Variants in COL6A6 observed in about 807,000 individuals in gnomAD.
COL6A6 encodes the protein collagen alpha-6(VI) chain.
In COL6A6, 183 loss-of-function variants were observed where a neutral mutation model predicts 208.6. The ratio of observed to expected loss-of-function variants is 0.88; its 90% CI spans 0.78 to 0.99. The LOEUF (loss-of-function observed/expected upper bound fraction) is 0.99, where lower values mean the gene tolerates loss of function less well. Among genes scored for constraint, COL6A6 ranks in the 50% least tolerant of loss-of-function variants. The probability of loss-of-function intolerance (pLI) is 0.00; values close to 1 mark genes in which losing one functional copy is unlikely to be tolerated. For missense variants in COL6A6, 2,816 were observed against 2,815.2 expected (o/e 1.00, Z -0.01); for synonymous variants, 973 against 1,011.8 (o/e 0.96, Z 0.73).
rs759248423 is a variant in COL6A6, at chr3:130,567,263, G to A, written c.1843+1G>A. On this transcript the variant is annotated splice_donor_variant, in intron 5 of 36. Coordinates refer to ENST00000358511, the MANE Select transcript of COL6A6 (RefSeq NM_001102608.3). LOFTEE classifies it high-confidence loss of function. ...GTTCAAGAAATCTGTACTGAAGAAG[G>A]TAAGAGAAATCGTGGCTTTACCTAC... The A allele has an allele frequency of 1.7e-5, 27 of 1,593,244 alleles. No individual in the cohort carries two copies. The highest frequency in any genetic ancestry group is 2.7e-5 in the African/African-American group (2 of 74,168).
In COL6A6 at chr3:130,660,893, TACA is replaced by T. The variant is rs533785841; in HGVS notation, c.5831-740_5831-738del. Among the ~76,000 whole-genome samples the T allele has an allele frequency of 6.6e-5, 10 of 152,354 alleles. No homozygotes were observed. The South Asian group carries it at 2.1e-3, about 32-fold the overall frequency. ...CTGGCCACAGTCTCTTCTGTAAAAT[TACA>T]ACATTAAATGACCTTTAAGAACCTT... is the stretch of plus-strand genomic sequence containing the variant. On this transcript the variant is annotated intron_variant, in intron 34 of 36. Coordinates refer to ENST00000358511, the MANE Select transcript of COL6A6 (RefSeq NM_001102608.3).
At chr3:130,579,408 T>G (rs1409187355) in intron 8 of COL6A6, among the ~76,000 whole-genome samples, 1 of 152,134 alleles carries the variant, frequency 6.6e-6, no homozygotes, top group African/African-American at 2.4e-5. Context: ...CAAAAGTAGT[T>G]TGGCAGTAAC....
chr3:130,650,627 AAG>A (rs1356128678), intron 33 of COL6A6, among the ~76,000 whole-genome samples: 4 of 152,048 alleles, frequency 2.6e-5, no homozygotes, highest in African/African-American at 9.7e-5. Flanking sequence ...AAAAAGAAAA[AAG>A]AAAAAGGCCA....
intron 28 of COL6A6, among the ~76,000 whole-genome samples, 198 bp from the exon 29 acceptor site, chr3:130,641,454 A>T (rs2065306137): frequency 6.6e-6 from 1 of 152,176 alleles, no homozygotes; most frequent in South Asian, 2.1e-4. Context: ...GTTAATGAGG[A>T]TTATTTGGGG....
At chr3:130,531,161 A>G (rs770526991) in intron 1 of COL6A6, among the ~76,000 whole-genome samples, 1 of 151,966 alleles carries the variant, frequency 6.6e-6, no homozygotes, top group African/African-American at 2.4e-5. Context: ...AATGTGCTAA[A>G]TATGTGTAGG....
chr3:130,539,904 T>G (rs1010455479), intron 1 of COL6A6, among the ~76,000 whole-genome samples: 1 of 152,198 alleles, frequency 6.6e-6, no homozygotes, highest in African/African-American at 2.4e-5. Context: ...TTCTAAAAAT[T>G]TTGAGTTTTT....
chr3:130,645,557 TG>T (rs2108383553), intron 32 of COL6A6, among the ~76,000 whole-genome samples: 1 of 152,258 alleles, frequency 6.6e-6, no homozygotes, highest in East Asian at 1.9e-4. Flanking sequence ...GGATTACAGG[TG>T]TGAGCCACTG....
intron 20 of COL6A6, among the ~76,000 whole-genome samples, chr3:130,600,687 A>G (rs560397670): frequency 7.2e-5 from 11 of 152,264 alleles, no homozygotes; most frequent in African/African-American, 2.4e-4. Flanking sequence ...ACACAGGGGA[A>G]CAACACACAC....
At chr3:130,604,420 G>A (rs1250137721) in intron 20 of COL6A6, among the ~76,000 whole-genome samples, 2 of 151,982 alleles carry the variant, frequency 1.3e-5, no homozygotes, top group African/African-American at 2.4e-5. Context: ...GCGTGAACCC[G>A]GGAAGCGGAG....
chr3:130,581,468 T>A, intron 8 of COL6A6, 93 bp from the exon 9 acceptor site: 1 of 888,588 alleles, frequency 1.1e-6, no homozygotes, highest in Non-Finnish European at 1.7e-6. Flanking sequence ...ATAACTGAAA[T>A]AGAATTCCAA....
rs59021909 is a variant in COL6A6 at position 130,567,085 on chromosome 3, C to T, written c.1666C>T (p.Pro556Ser). The T allele has an allele frequency of 0.035, 57,094 of 1,613,852 alleles. 3,071 individuals carry two copies. Among genetic ancestry groups the T allele is most frequent in the African/African-American group, 0.24 (18,035 of 74,954 alleles). Residue 556 changes from proline to serine, a missense_variant, in exon 5 of 37, where the codon CCT (proline) becomes TCT (serine). Transcript: ENST00000358511. ...CATGTCCAAGGATAGCATCTTGGAG[C>T]CTGCAAACAGACTGAGAGAAGAGCA... The part of the protein sequence containing the change: ...NGMSKDSILE[P>S]ANRLREEHIR...
At position 130,568,591 on chromosome 3, in the gene COL6A6, C is replaced by T; in HGVS notation, c.2388C>T (p.Cys796=). Residue 796 remains cysteine (C), a synonymous_variant, in exon 6 of 37, where the codon TGC becomes TGT. Transcript: ENST00000358511. The part of the protein sequence containing the change: ...RIEDDLVFGI[C]SPREECKRIE... ...AAGATGATCTTGTTTTTGGAATATG[C>T]AGCCCCCGTGAAGGTAGGCATGGGC... 2 of 1,598,212 alleles carry T rather than the reference C, an allele frequency of 1.3e-6. No homozygotes were observed. The highest frequency in any genetic ancestry group is 8.5e-7 in the Non-Finnish European group (1 of 1,177,918).
At position 130,676,914 on chromosome 3, in the gene COL6A6, T is replaced by C. The variant is rs2108510288; in HGVS notation, c.*1517T>C. On this transcript the variant is annotated 3_prime_UTR_variant, in exon 37 of 37. Coordinates refer to ENST00000358511, the MANE Select transcript of COL6A6 (RefSeq NM_001102608.3). ...AATGAGCAATATTTACAATGTATTT[T>C]AATAAAAGGGATTTTTCTAGTTAAC... 6.6e-6 allele frequency: 1 copy of C among 152,354 alleles called. No individual in the cohort carries two copies. Among genetic ancestry groups the C allele is most frequent in the Non-Finnish European group, 1.5e-5 (1 of 68,028 alleles). The allele number at this position is 152,354 out of a possible 1,614,324, so 9.4% of individuals were successfully genotyped here. A position where few individuals can be genotyped will look rare whatever the true frequency, so the allele number is the denominator to read the frequency against.
intron 27 of COL6A6, among the ~76,000 whole-genome samples, chr3:130,634,848 T>G (rs1373663165): frequency 3.3e-5 from 5 of 152,216 alleles, no homozygotes; most frequent in Non-Finnish European, 7.3e-5. Context: ...TTTTAATTAG[T>G]ATGAGAAGAT....
At chr3:130,544,776 T>G (rs1454557491) in intron 1 of COL6A6, among the ~76,000 whole-genome samples, 1 of 152,230 alleles carries the variant, frequency 6.6e-6, no homozygotes, top group African/African-American at 2.4e-5. Flanking sequence ...TGCATTTCCC[T>G]GATTAGTGAT....
chr3:130,669,409 A>AT (rs2066155963), intron 36 of COL6A6, among the ~76,000 whole-genome samples: 1 of 151,460 alleles, frequency 6.6e-6, no homozygotes, highest in Non-Finnish European at 1.5e-5. Flanking sequence ...ATATATATAT[A>AT]AATAAAAATA....
chr3:130,614,869 A>C (rs2064468593), intron 23 of COL6A6, among the ~76,000 whole-genome samples: 1 of 151,110 alleles, frequency 6.6e-6, no homozygotes, highest in African/African-American at 2.4e-5. Flanking sequence ...CCCCTTTTTC[A>C]TTTCTCATTG....
At chr3:130,594,969 G>GC (rs1320123959) in intron 18 of COL6A6, among the ~76,000 whole-genome samples, 1 of 152,100 alleles carries the variant, frequency 6.6e-6, no homozygotes, top group African/African-American at 2.4e-5. Context: ...TTTCCACCTG[G>GC]CCCCACTGTT....
In COL6A6 at chr3:130,634,052, TAAAAAAAAAAA is replaced by T. The variant is rs34137705; in HGVS notation, c.4993-524_4993-514del. On this transcript the variant is annotated intron_variant, in intron 26 of 36. Transcript: ENST00000358511. The stretch of plus-strand genomic sequence containing the variant: ...ATGTACCCTAAAACTTAGAGTATAA[TAAAAAAAAAAA>T]AAAAAAAAAAAAATGCCAGTTACAT... 3.2e-4 allele frequency among the ~76,000 whole-genome samples: 9 copies of T among 27,754 alleles called. 2 individuals are homozygous for T. The highest frequency in any genetic ancestry group is 1.4e-3 in the Admixed American group (2 of 1,470). 18.2% of individuals were successfully genotyped at this position (27,754 alleles called of 152,430 possible).
Sources: gnomAD v4.1 joint callset for allele counts (sites outside exome capture counted in the v4.1 genomes callset) on GRCh38, gnomAD v4.1.1 for gene constraint, MANE v1.5 for transcripts, NCBI Gene and HGNC (gene_info 2026-07-23, HGNC 2026-07-21) for gene names.